Variants in SIX4 observed in about 807,000 individuals in gnomAD.
The protein encoded by SIX4 is homeobox protein SIX4.
In SIX4, 23 loss-of-function variants were observed where a neutral mutation model predicts 51.5. The ratio of observed to expected loss-of-function variants is 0.45; its 90% CI spans 0.32 to 0.63. The LOEUF (loss-of-function observed/expected upper bound fraction) is 0.63, where lower values mean the gene tolerates loss of function less well. Ranked by LOEUF, SIX4 falls within the 30% of genes least tolerant of loss-of-function variation. The probability of loss-of-function intolerance (pLI) is 0.04; values close to 1 mark genes in which losing one functional copy is unlikely to be tolerated. For missense variants in SIX4, 867 were observed against 984.0 expected, an observed-to-expected ratio of 0.88 and a Z score of 1.59; for synonymous variants, 413 against 417.3, an observed-to-expected ratio of 0.99 and a Z score of 0.13.
chr14:60,721,760 C>T (rs533118607), intron 1 of SIX4, among the ~76,000 whole-genome samples: 54 of 152,364 alleles, frequency 3.5e-4, no homozygotes, highest in African/African-American at 1.2e-3. Context: ...CACCCTCTGC[C>T]CCGGCCCTGC....
At position 60,711,865 on chromosome 14, in the gene SIX4, T is replaced by C. The variant is rs1435301514; in HGVS notation, c.*1542A>G. On this transcript the variant is annotated 3_prime_UTR_variant, in exon 3 of 3. Transcript: ENST00000216513. ...TTGAAGTTATCTCTGAAGAAATTAT[T>C]TTCTCACTTTTTTTGCTTTTCAGAG... 1 of 152,566 alleles carries C rather than the reference T, an allele frequency of 6.6e-6. No homozygotes were observed. The highest frequency in any genetic ancestry group is 6.5e-5 in the Admixed American group (1 of 15,274). 9.5% of individuals were successfully genotyped at this position (152,566 alleles called of 1,614,324 possible).
Position 60,724,341 on chromosome 14 carries a change from T to A in SIX4, c.-267A>T. 6.9e-7 allele frequency: 1 copy of A among 1,445,128 alleles called. No individual in the cohort carries two copies. Among genetic ancestry groups the A allele is most frequent in the Non-Finnish European group, 9.2e-7 (1 of 1,088,202 alleles). The allele number at this position is 1,445,128 out of a possible 1,614,324, so 89.5% of individuals were successfully genotyped here. On this transcript the variant is annotated 5_prime_UTR_variant, in exon 1 of 3. An upstream start codon of the reference 5' UTR is lost. Coordinates refer to ENST00000216513, the MANE Select transcript of SIX4 (RefSeq NM_017420.5). The stretch of plus-strand genomic sequence containing the variant: ...CAACGTGACTCCTCCGGTTGCTGCA[T>A]ACTATATGGCAGTGGCGGCCGGGCC...
At position 60,719,694 on chromosome 14, in the gene SIX4, T is replaced by C. The variant is rs1436386566; in HGVS notation, c.1549+66A>G. ...ACATCAATCTATAGCTATCACCAAA[T>C]GCGTCACTTACAGCAGCTGATGAAC... On this transcript the variant is annotated intron_variant, in intron 2 of 2. Coordinates refer to ENST00000216513, the MANE Select transcript of SIX4 (RefSeq NM_017420.5). This position sits in a 1 kb window ranked among gnomAD's most constrained non-coding sequence, Gnocchi z 4.9. 5 of 1,500,802 alleles carry C rather than the reference T, an allele frequency of 3.3e-6. No homozygotes were observed. Among genetic ancestry groups the C allele is most frequent in the Non-Finnish European group, 4.5e-6 (5 of 1,099,410 alleles). The allele number at this position is 1,500,802 out of a possible 1,614,324, so 93.0% of individuals were successfully genotyped here.
Position 60,719,740 on chromosome 14 carries a change from G to T in SIX4, c.1549+20C>A. On this transcript the variant is annotated intron_variant, in intron 2 of 2. Transcript: ENST00000216513. The surrounding 1 kb of genome is among the most constrained non-coding windows in gnomAD (Gnocchi z 4.9). ...TGAACACATTTGCTGGTGCATTAAG[G>T]TACCAAATGAGATTGTTACCTTGTG... The T allele has an allele frequency of 6.2e-7, 1 of 1,608,776 alleles. No homozygotes were observed. The highest frequency in any genetic ancestry group is 8.5e-7 in the Non-Finnish European group (1 of 1,176,858).
intron 2 of SIX4, among the ~76,000 whole-genome samples, chr14:60,716,086 G>A (rs943080075): frequency 2.0e-5 from 3 of 150,462 alleles, no homozygotes; most frequent in African/African-American, 4.9e-5. Context: ...GGCTGTTCTC[G>A]AACTCCTGAG....
chr14:60,720,819 G>A lies in SIX4; in HGVS notation c.864-374C>T, dbSNP rs1896006769. 6.6e-6 allele frequency among the ~76,000 whole-genome samples: 1 copy of A among 152,184 alleles called. No homozygotes were observed. The highest frequency in any genetic ancestry group is 2.4e-5 in the African/African-American group (1 of 41,446). On this transcript the variant is annotated intron_variant, in intron 1 of 2. Coordinates refer to ENST00000216513, the MANE Select transcript of SIX4 (RefSeq NM_017420.5). The surrounding 1 kb of genome is among the most constrained non-coding windows in gnomAD (Gnocchi z 5.5). Reference sequence around the variant, plus strand: ...CCATAGAAAAAAACACCTTAAATGAGGTGGTCGGTCTTTCCTGTTTAGGAA... The same window carrying A: ...CCATAGAAAAAAACACCTTAAATGAAGTGGTCGGTCTTTCCTGTTTAGGAA...
At position 60,723,487 on chromosome 14, in the gene SIX4, T is replaced by A; in HGVS notation, c.588A>T (p.Arg196=). The A allele has an allele frequency of 6.2e-7, 1 of 1,606,146 alleles. No homozygotes were observed. The highest frequency in any genetic ancestry group is 8.5e-7 in the Non-Finnish European group (1 of 1,179,504). ...WYKARYTEAE[R]ARGRPLGAVD... ...CGGCTCCCAGCGGCCGGCCGCGGGCTCGCTCGGCCTCGGTGTAGCGCGCCT... is the reference window on the plus strand; with the variant it reads ...CGGCTCCCAGCGGCCGGCCGCGGGCACGCTCGGCCTCGGTGTAGCGCGCCT... Residue 196 remains arginine, a synonymous_variant, in exon 1 of 3, where the codon CGA becomes CGT. Transcript: ENST00000216513.
Position 60,723,316 on chromosome 14 carries a change from C to A in SIX4, c.759G>T (p.Lys253Asn). The change falls in exon 1 of 3, where the codon AAG becomes AAT. Residue 253 changes from lysine (K) to asparagine (N), a missense_variant. Physicochemically the swap from Lys to Asn is moderately conservative, Grantham distance 94. Transcript: ENST00000216513. ...GGCCGGTGATCTTGGCCAGGTGCCG[C>A]TTCTCGGCGGGCGAAGGGTAGCGAT... ...KQNRYPSPAE[K>N]RHLAKITGLS... The A allele has an allele frequency of 6.2e-7, 1 of 1,613,156 alleles. No homozygotes were observed. Among genetic ancestry groups the A allele is most frequent in the Non-Finnish European group, 8.5e-7 (1 of 1,179,976 alleles).
rs748526910 is a variant in SIX4, at chr14:60,724,117, C to A, written c.-43G>T. ...CCTCCCTCCCTCACTCCCTCGCACTCTTTTCCTCTTTCTTTCCTCCTCTCT... is the reference window on the plus strand; with the variant it reads ...CCTCCCTCCCTCACTCCCTCGCACTATTTTCCTCTTTCTTTCCTCCTCTCT... On this transcript the variant is annotated 5_prime_UTR_variant, in exon 1 of 3. Coordinates refer to ENST00000216513, the MANE Select transcript of SIX4 (RefSeq NM_017420.5). 7 of 1,598,702 alleles carry A rather than the reference C, an allele frequency of 4.4e-6. No individual in the cohort carries two copies. The highest frequency in any genetic ancestry group is 4.3e-6 in the Non-Finnish European group (5 of 1,171,708).
Position 60,720,550 on chromosome 14 carries a change from T to C in SIX4, c.864-105A>G, listed in dbSNP as rs1896002923. The C allele has an allele frequency of 8.8e-7, 1 of 1,138,052 alleles. No individual in the cohort carries two copies. The highest frequency in any genetic ancestry group is 1.6e-5 in the African/African-American group (1 of 64,478). 70.5% of individuals were successfully genotyped at this position (1,138,052 alleles called of 1,614,324 possible). On this transcript the variant is annotated intron_variant, in intron 1 of 2. Transcript: ENST00000216513. This position sits in a 1 kb window ranked among gnomAD's most constrained non-coding sequence, Gnocchi z 5.5. The stretch of plus-strand genomic sequence containing the variant: ...GCTTCTAAATCCATTAAAGGCAGTA[T>C]TTAAGGAAAGCACAGCAGGATATCT...
At chr14:60,721,559 G>A (rs1896019835) in intron 1 of SIX4, among the ~76,000 whole-genome samples, 1 of 152,052 alleles carries the variant, frequency 6.6e-6, no homozygotes, top group African/African-American at 2.4e-5. Flanking sequence ...CCGGGGGTGC[G>A]GGTGGGAGGT....
chr14:60,718,162 G>A (rs1457228931), intron 2 of SIX4, among the ~76,000 whole-genome samples: 1 of 152,020 alleles, frequency 6.6e-6, no homozygotes, highest in Non-Finnish European at 1.5e-5. Flanking sequence ...CTCAGTATCT[G>A]TTTGTGAGAA....
chr14:60,713,871 G>A lies in SIX4; in HGVS notation c.1882C>T (p.Leu628=), dbSNP rs746906318. 6.2e-7 allele frequency: 1 copy of A among 1,614,216 alleles called. No individual in the cohort carries two copies. The highest frequency in any genetic ancestry group is 8.5e-7 in the Non-Finnish European group (1 of 1,180,032). ...TCGCGGTTTAGCTCAGTGGGATTTA[G>A]TAGTGTAGAGGGACTGAGAGAAAAA... ...HNFSLSPSTL[L]NPTELNRDIA... Residue 628 remains leucine (L), a synonymous_variant, in exon 3 of 3, where the codon CTA becomes TTA. Transcript: ENST00000216513.
intron 1 of SIX4, among the ~76,000 whole-genome samples, chr14:60,721,309 C>T (rs1896014521): frequency 6.6e-6 from 1 of 152,058 alleles, no homozygotes; most frequent in Admixed American, 6.6e-5. Flanking sequence ...GATGGGGTTT[C>T]CCATTTGGTC....
chr14:60,721,210 G>C, intron 1 of SIX4: 1 of 950,944 alleles, frequency 1.1e-6, no homozygotes, highest in South Asian at 4.9e-5. Context: ...CTTCCCCAAC[G>C]TCCTTGGTCC....
In SIX4 at chr14:60,713,210, C is replaced by T; in HGVS notation, c.*197G>A. 1 of 508,970 alleles carries T rather than the reference C, an allele frequency of 2.0e-6. No homozygotes were observed. The highest frequency in any genetic ancestry group is 4.0e-5 in the South Asian group (1 of 24,966). The allele number at this position is 508,970 out of a possible 1,614,324, so 31.5% of individuals were successfully genotyped here. A position where few individuals can be genotyped will look rare whatever the true frequency, so the allele number is the denominator to read the frequency against. ...TTTAAAAGAGAAATTTATAAGTGAA[C>T]AAAAAGGCTGCAATAATGCAGTTCT... On this transcript the variant is annotated 3_prime_UTR_variant, in exon 3 of 3. Transcript: ENST00000216513.
In SIX4 at chr14:60,713,253, T is replaced by G. The variant is rs1427634619; in HGVS notation, c.*154A>C. On this transcript the variant is annotated 3_prime_UTR_variant, in exon 3 of 3. Transcript: ENST00000216513. ...GCAGTTCTACTCCTGTATACTTAAC[T>G]GTGATCTTCATGCAGATCAATCTAA... The G allele has an allele frequency of 1.8e-5, 13 of 713,416 alleles. 1 individual carries two copies. The East Asian group carries it at 3.5e-4, about 19-fold the overall frequency. The allele number at this position is 713,416 out of a possible 1,614,324, so 44.2% of individuals were successfully genotyped here. A position where few individuals can be genotyped will look rare whatever the true frequency, so the allele number is the denominator to read the frequency against.
intron 1 of SIX4, among the ~76,000 whole-genome samples, chr14:60,721,641 C>CG (rs1355612563): frequency 7.5e-5 from 2 of 26,654 alleles, no homozygotes. Flanking sequence ...TGGGGTGGGG[C>CG]GGGGGGGACG....
intron 1 of SIX4, chr14:60,721,028 A>C (rs1566739658): frequency 1.0e-6 from 1 of 985,706 alleles, no homozygotes; most frequent in Non-Finnish European, 1.2e-6. Flanking sequence ...CTCATTCAAC[A>C]AAGTGGCTGT....
Sources: gnomAD v4.1 joint callset for allele counts (sites outside exome capture counted in the v4.1 genomes callset) on GRCh38, gnomAD v4.1.1 for gene constraint, Gnocchi (gnomAD v3.1) non-coding constraint, MANE v1.5 for transcripts, NCBI Gene and HGNC (gene_info 2026-07-23, HGNC 2026-07-21) for gene names.